The following DGKB variants were observed in gnomAD, a reference collection of about 807,000 sequenced individuals.
DGKB encodes the protein 90 kDa diacylglycerol kinase.
Under a neutral mutation model 114.3 loss-of-function variants are expected in DGKB, and 67 were observed. That is an observed-to-expected ratio of 0.59 (90% CI 0.48 to 0.72). The LOEUF is 0.72. Among genes scored for constraint, DGKB ranks in the 30% least tolerant of loss-of-function variants. The pLI, the probability that DGKB is intolerant of heterozygous loss-of-function variation, is 0.00. For synonymous variants in DGKB, 398 were observed against 323.1 expected, an observed-to-expected ratio of 1.23 and a Z score of -2.49; for missense variants, 907 against 975.2, an observed-to-expected ratio of 0.93 and a Z score of 0.93.
At chr7:14,591,040 A>G (rs1253326618) in intron 17 of DGKB, among the ~76,000 whole-genome samples, 1 of 152,118 alleles carries the variant, frequency 6.6e-6, no homozygotes, top group Non-Finnish European at 1.5e-5. Flanking sequence ...CACAAGGTAC[A>G]GAGGAAAACA....
intron 2 of DGKB, among the ~76,000 whole-genome samples, chr7:14,826,457 G>A (rs1475579312): frequency 6.6e-6 from 1 of 151,990 alleles, no homozygotes; most frequent in African/African-American, 2.4e-5. Flanking sequence ...AGCAGAATGG[G>A]GCTTCCTGGT....
chr7:14,638,451 T>C lies in DGKB; in HGVS notation c.1135-8183A>G, dbSNP rs145474384. On this transcript the variant is annotated intron_variant, in intron 13 of 25. Transcript: ENST00000402815. ...TTTAATTTTTACTTGATATATATGT[T>C]ACTGTCTGATATATTTTTTCTTGAC... 8.6e-3 allele frequency among the ~76,000 whole-genome samples: 1,317 copies of C among 152,310 alleles called. 14 individuals are homozygous for C. Among genetic ancestry groups the C allele is most frequent in the Non-Finnish European group, 0.013 (905 of 68,016 alleles).
At chr7:14,665,123 T>G (rs1817804089) in intron 13 of DGKB, among the ~76,000 whole-genome samples, 1 of 152,006 alleles carries the variant, frequency 6.6e-6, no homozygotes, top group South Asian at 2.1e-4. Flanking sequence ...TAATTCCAAT[T>G]TATCAATATA....
At chr7:14,213,635 G>A (rs913984274) in intron 23 of DGKB, among the ~76,000 whole-genome samples, 1 of 152,106 alleles carries the variant, frequency 6.6e-6, no homozygotes, top group African/African-American at 2.4e-5. Context: ...GGTGTTACCT[G>A]GCCCCCTTAG....
chr7:14,176,582 T>C (rs1781770808), intron 25 of DGKB: 1 of 1,166,770 alleles, frequency 8.6e-7, no homozygotes, highest in African/African-American at 1.6e-5. Context: ...TGATCTATGG[T>C]TTATAATTGA....
At chr7:14,844,414 G>A (rs1197304822) in intron 1 of DGKB, among the ~76,000 whole-genome samples, 1 of 152,146 alleles carries the variant, frequency 6.6e-6, no homozygotes, top group African/African-American at 2.4e-5. Flanking sequence ...GTAAATATAG[G>A]TGATTGGAGC....
chr7:14,295,598 AGTTT>A (rs1562864971), intron 23 of DGKB, among the ~76,000 whole-genome samples: 67 of 152,020 alleles, frequency 4.4e-4, no homozygotes, highest in African/African-American at 1.6e-3. Context: ...TTTCTGTGAT[AGTTT>A]ATTTTCAATA....
At chr7:14,762,801 C>G (rs1426371042) in intron 2 of DGKB, among the ~76,000 whole-genome samples, 2 of 152,072 alleles carry the variant, frequency 1.3e-5, no homozygotes, top group African/African-American at 4.8e-5. Flanking sequence ...CTGAATGTCC[C>G]TGGGCATATT....
intron 21 of DGKB, among the ~76,000 whole-genome samples, chr7:14,369,886 ATATC>A (rs1034683141): frequency 6.6e-6 from 1 of 152,022 alleles, no homozygotes; most frequent in African/African-American, 2.4e-5. Flanking sequence ...AAATGCACAC[ATATC>A]TATCTGAAAA....
At chr7:14,748,152 C>G (rs1833623138) in intron 4 of DGKB, among the ~76,000 whole-genome samples, 1 of 152,082 alleles carries the variant, frequency 6.6e-6, no homozygotes, top group Admixed American at 6.6e-5. Context: ...TCTTTGAGCA[C>G]CCACTCTGCA....
At chr7:14,213,057 CAT>C (rs1788390754) in intron 23 of DGKB, among the ~76,000 whole-genome samples, 1 of 150,052 alleles carries the variant, frequency 6.7e-6, no homozygotes, top group Non-Finnish European at 1.5e-5. Flanking sequence ...TTCTTATACT[CAT>C]ATATGTACCA....
chr7:14,757,705 G>A lies in DGKB; in HGVS notation c.97C>T (p.Leu33Phe). Residue 33 changes from leucine (L) to phenylalanine (F), a missense_variant, in exon 3 of 26, where the codon CTT (leucine) becomes TTT (phenylalanine). Transcript: ENST00000402815. ...EYSTKKLKDV[L>F]EEFHGNGVLA... ...ACACCATTACCATGGAATTCTTCAA[G>A]AACATCCTTTAATTTCTTTGTAGAA... 6.2e-7 allele frequency: 1 copy of A among 1,603,972 alleles called. No homozygotes were observed. The highest frequency in any genetic ancestry group is 8.5e-7 in the Non-Finnish European group (1 of 1,172,638).
intron 21 of DGKB, among the ~76,000 whole-genome samples, chr7:14,354,125 C>T (rs905920815): frequency 6.6e-6 from 1 of 151,922 alleles, no homozygotes; most frequent in Non-Finnish European, 1.5e-5. Context: ...TAAAATATAC[C>T]CTGATGTCTG....
At chr7:14,761,928 G>A (rs752356463) in intron 2 of DGKB, among the ~76,000 whole-genome samples, 1 of 152,150 alleles carries the variant, frequency 6.6e-6, no homozygotes, top group African/African-American at 2.4e-5. Flanking sequence ...GGGTCTCCTG[G>A]AAAGCAAAGG....
intron 21 of DGKB, among the ~76,000 whole-genome samples, chr7:14,434,945 C>G (rs1020905177): frequency 6.6e-6 from 1 of 152,100 alleles, no homozygotes; most frequent in Admixed American, 6.6e-5. Context: ...CCAGTACCAT[C>G]TCTTGACCTT....
intron 7 of DGKB, among the ~76,000 whole-genome samples, chr7:14,698,863 C>T (rs1404321931): frequency 1.3e-5 from 2 of 152,106 alleles, no homozygotes; most frequent in Non-Finnish European, 1.5e-5. Context: ...AAAGATTAAA[C>T]ATGGCTTTGT....
intron 25 of DGKB, chr7:14,176,373 TG>T (rs1468385655): frequency 1.0e-6 from 1 of 984,640 alleles, no homozygotes; most frequent in African/African-American, 1.7e-5. Flanking sequence ...TGGTAGAAAC[TG>T]GAGAGAAATT....
At chr7:14,752,844 T>C (rs1278183001) in intron 4 of DGKB, among the ~76,000 whole-genome samples, 1 of 152,174 alleles carries the variant, frequency 6.6e-6, no homozygotes, top group Non-Finnish European at 1.5e-5. Context: ...CATTCTTGAA[T>C]GACTACATTA....
chr7:14,451,188 T>C (rs973420512), intron 21 of DGKB, among the ~76,000 whole-genome samples: 3 of 152,022 alleles, frequency 2.0e-5, no homozygotes, highest in Non-Finnish European at 2.9e-5. Flanking sequence ...TGTGTGCCTG[T>C]GAAGGTGTCT....
Sources: allele counts gnomAD v4.1 joint callset (sites outside exome capture counted in the v4.1 genomes callset), GRCh38; gene constraint gnomAD v4.1.1; transcripts MANE v1.5; gene names NCBI Gene and HGNC (gene_info 2026-07-23, HGNC 2026-07-21).